Variants in KIF24 observed in about 807,000 individuals in gnomAD.
KIF24 encodes kinesin-like protein KIF24.
KIF24 carries 81 observed loss-of-function variants against 118.9 expected under a neutral mutation model. That is an observed-to-expected ratio of 0.68 (90% CI 0.57 to 0.82). KIF24 has a LOEUF of 0.82. Among genes scored for constraint, KIF24 ranks in the 40% least tolerant of loss-of-function variants. KIF24 has a pLI of 0.00. For synonymous variants in KIF24, 599 were observed against 610.0 expected (o/e 0.98, Z 0.27); for missense variants, 1,560 against 1,661.6 (o/e 0.94, Z 1.06).
At chr9:34,307,851 A>G (rs544273076) in intron 2 of KIF24, among the ~76,000 whole-genome samples, 81 of 134,590 alleles carry the variant, frequency 6.0e-4, no homozygotes, top group African/African-American at 2.1e-3. Context: ...ACAGAGCAAG[A>G]CTCTGTCTGA....
intron 4 of KIF24, among the ~76,000 whole-genome samples, chr9:34,296,173 G>A (rs1169177985): frequency 2.1e-5 from 3 of 145,710 alleles, no homozygotes; most frequent in African/African-American, 5.1e-5. Flanking sequence ...GCACCGAGGT[G>A]GCGCCACTGC....
At chr9:34,280,959 C>T (rs546862495) in intron 6 of KIF24, among the ~76,000 whole-genome samples, 1 of 152,214 alleles carries the variant, frequency 6.6e-6, no homozygotes, top group African/African-American at 2.4e-5. Flanking sequence ...CTTTAAACAC[C>T]TAGTTTTAGG....
intron 6 of KIF24, among the ~76,000 whole-genome samples, chr9:34,276,199 G>A (rs968962704): frequency 1.7e-4 from 26 of 152,068 alleles, no homozygotes; most frequent in African/African-American, 5.1e-4. Context: ...TCAGGAGTTC[G>A]AGACCAGCCT....
At chr9:34,314,170 ATTGT>A (rs1837263832) in intron 1 of KIF24, among the ~76,000 whole-genome samples, 1 of 149,518 alleles carries the variant, frequency 6.7e-6, no homozygotes, top group Admixed American at 6.7e-5. Context: ...GTTGTTGTTT[ATTGT>A]TTGTTTTTTG....
At chr9:34,325,363 A>G (rs1169628507) in intron 1 of KIF24, among the ~76,000 whole-genome samples, 2 of 148,928 alleles carry the variant, frequency 1.3e-5, no homozygotes, top group Admixed American at 1.3e-4. Flanking sequence ...AAAAAAAGCA[A>G]TATGTCTTAT....
At chr9:34,309,368 C>T (rs188141777) in intron 2 of KIF24, among the ~76,000 whole-genome samples, 6 of 151,958 alleles carry the variant, frequency 3.9e-5, no homozygotes, top group African/African-American at 1.4e-4. Context: ...GGTGAAACCC[C>T]ACCTCTACTA....
intron 2 of KIF24, among the ~76,000 whole-genome samples, chr9:34,310,374 T>TAAA (rs1837091307): frequency 7.2e-6 from 1 of 138,268 alleles, no homozygotes; most frequent in South Asian, 2.7e-4. Context: ...GTGTAATTTT[T>TAAA]TTCTCCACTG....
chr9:34,268,017 C>A lies in KIF24; in HGVS notation c.1443+1240G>T, dbSNP rs572625103. ...GAACTCACATAGGATTTTATTGGCA[C>A]CTTGATTTGAACAAGTTAACTATAA... On this transcript the variant is annotated intron_variant, in intron 8 of 12. Transcript: ENST00000402558. Among the ~76,000 whole-genome samples the A allele has an allele frequency of 2.6e-5, 4 of 152,090 alleles. No individual in the cohort carries two copies. The East Asian group carries it at 7.7e-4, about 29-fold the overall frequency.
At chr9:34,275,255 A>G (rs539778867) in intron 6 of KIF24, among the ~76,000 whole-genome samples, 132 of 152,070 alleles carry the variant, frequency 8.7e-4, no homozygotes, top group African/African-American at 3.0e-3. Flanking sequence ...TTAGCCAGGT[A>G]TGGTGATGTA....
intron 4 of KIF24, among the ~76,000 whole-genome samples, chr9:34,292,044 G>A (rs1310230943): frequency 6.6e-6 from 1 of 152,176 alleles, no homozygotes; most frequent in African/African-American, 2.4e-5. Flanking sequence ...AATGTCAATT[G>A]ATAGCTTATC....
At position 34,256,224 on chromosome 9, in the gene KIF24, G is replaced by A. The variant is rs370356782; in HGVS notation, c.3383C>T (p.Pro1128Leu). Residue 1128 changes from proline (P) to leucine (L), a missense_variant, in exon 11 of 13, where the codon CCA becomes CTA. Transcript: ENST00000402558. ...PPDNKPGGDL[P>L]ALSPSPIRQH... is the part of the protein sequence containing the mutation. ...ACGGATGGGTGATGGGGACAGAGCT[G>A]GAAGATCACCACCAGGCTTATTATC... 8 of 1,603,182 alleles carry A rather than the reference G, an allele frequency of 5.0e-6. No homozygotes were observed. In the African/African-American group the frequency reaches 1.1e-4, roughly 21 times the overall value.
At chr9:34,292,781 G>A (rs10758251) in intron 4 of KIF24, among the ~76,000 whole-genome samples, 72,906 of 152,006 alleles carry the variant, frequency 0.48, 20,264 homozygotes, top group South Asian at 0.64. Context: ...CGGCAGAGGC[G>A]GAGTTGGGAA....
chr9:34,255,587 G>A (rs1834795358), intron 11 of KIF24, 148 bp downstream of exon 11: 10 of 694,770 alleles, frequency 1.4e-5, no homozygotes, highest in South Asian at 3.9e-5. Context: ...TGGAGGGCCC[G>A]GGACCAAAGC....
At chr9:34,262,667 AAAAAAAAAATATATATATAT>A (rs1835114371) in intron 9 of KIF24, among the ~76,000 whole-genome samples, 1 of 43,182 alleles carries the variant, frequency 2.3e-5, no homozygotes, top group Non-Finnish European at 4.5e-5. Flanking sequence ...AAAAAAAAAA[AAAAAAAAAATATATATATAT>A]ATATATATAT....
chr9:34,329,461 G>T (rs918323543), upstream of KIF24: 1 of 152,142 alleles, frequency 6.6e-6, no homozygotes, highest in African/African-American at 2.4e-5. Flanking sequence ...GTTTCAGTGT[G>T]AGACGCGCAC....
upstream of KIF24, among the ~76,000 whole-genome samples, chr9:34,331,434 G>C (rs1285132761): frequency 1.3e-5 from 2 of 152,184 alleles, no homozygotes; most frequent in African/African-American, 4.8e-5. Context: ...TAAGTATCTT[G>C]CTCTATTAAC....
chr9:34,255,596 G>T, intron 11 of KIF24, 139 bp downstream of exon 11: 1 of 732,112 alleles, frequency 1.4e-6, no homozygotes, highest in Non-Finnish European at 2.3e-6. Flanking sequence ...CGGGACCAAA[G>T]CAGAGGGTTG....
chr9:34,269,235 T>A (rs1440066973), intron 8 of KIF24, 22 bp downstream of exon 8: 3 of 1,414,276 alleles, frequency 2.1e-6, no homozygotes, highest in Non-Finnish European at 3.0e-6. Flanking sequence ...GATTTTTAGA[T>A]TAAAGATTTT....
intron 1 of KIF24, among the ~76,000 whole-genome samples, chr9:34,311,747 C>T (rs541638535): frequency 7.3e-5 from 10 of 137,382 alleles, no homozygotes; most frequent in Non-Finnish European, 1.2e-4. Context: ...TACATATATA[C>T]GTATATATGT....
Sources: gnomAD v4.1 joint callset for allele counts (sites outside exome capture counted in the v4.1 genomes callset) on GRCh38, gnomAD v4.1.1 for gene constraint, MANE v1.5 for transcripts, NCBI Gene and HGNC (gene_info 2026-07-23, HGNC 2026-07-21) for gene names.